Variants in MORC3 observed in about 807,000 individuals in gnomAD.
MORC3 encodes MORC family CW-type zinc finger protein 3.
MORC3 carries 31 observed loss-of-function variants against 109.1 expected under a neutral mutation model. That is an observed-to-expected ratio of 0.28 (90% confidence interval 0.21 to 0.38). The LOEUF is 0.38. Ranked by LOEUF, MORC3 falls within the 10% of genes least tolerant of loss-of-function variation. MORC3 has a pLI of 1.00. For missense variants in MORC3, 867 were observed against 1,135.8 expected, an observed-to-expected ratio of 0.76 and a Z score of 3.40; for synonymous variants, 395 against 380.7, an observed-to-expected ratio of 1.04 and a Z score of -0.44.
At chr21:36,341,792 TA>T (rs1237631400) in intron 6 of MORC3, among the ~76,000 whole-genome samples, 1 of 152,220 alleles carries the variant, frequency 6.6e-6, no homozygotes, top group African/African-American at 2.4e-5. Flanking sequence ...AAACCCTTTT[TA>T]AATTATGAAG....
rs146992228 is a variant in MORC3 at position 36,321,336 on chromosome 21, A to G, written c.39+1033A>G. Among the ~76,000 whole-genome samples, 11 of 152,198 alleles carry G rather than the reference A, an allele frequency of 7.2e-5. No homozygotes were observed. In the East Asian group the frequency reaches 1.9e-3, roughly 27 times the overall value. Reference sequence around the variant, plus strand: ...TTGTGTTGTTGAGCTCTTCGCATGTATTAGTCTTTGTGGTTTTTTGTTTTG... The same window carrying G: ...TTGTGTTGTTGAGCTCTTCGCATGTGTTAGTCTTTGTGGTTTTTTGTTTTG... On this transcript the variant is annotated intron_variant, in intron 1 of 16. Transcript: ENST00000400485.
intron 9 of MORC3, 147 bp from the exon 10 acceptor site, chr21:36,356,473 C>G (rs1417003041): frequency 2.6e-6 from 1 of 378,804 alleles, no homozygotes; most frequent in Non-Finnish European, 4.8e-6. Context: ...CTGTGTTGTT[C>G]AAGGGTCACC....
chr21:36,337,078 A>G (rs1366851281), intron 3 of MORC3, 72 bp downstream of exon 3: 23 of 1,533,560 alleles, frequency 1.5e-5, no homozygotes, highest in Admixed American at 2.0e-5. Context: ...CATACTTACT[A>G]TTCTTGGTTT....
chr21:36,342,236 G>A (rs180930987), intron 6 of MORC3, among the ~76,000 whole-genome samples: 2 of 151,698 alleles, frequency 1.3e-5, no homozygotes, highest in African/African-American at 2.4e-5. Flanking sequence ...AGAGTGAGAC[G>A]CCATCACACA....
chr21:36,333,612 G>T (rs1179649727), intron 1 of MORC3, 34 bp from the exon 2 acceptor site: 1 of 1,551,950 alleles, frequency 6.4e-7, no homozygotes, highest in Non-Finnish European at 8.9e-7. Context: ...AGTAAGACCT[G>T]AATTAATTTA....
rs763266928 is a variant in MORC3 at position 36,362,161 on chromosome 21, G to A, written c.1407-22G>A. 2.5e-6 allele frequency: 4 copies of A among 1,606,962 alleles called. No individual in the cohort carries two copies. In the African/African-American group the frequency reaches 5.4e-5, roughly 22 times the overall value. ...AAATGGGATTGAGAAATAACAACAT[G>A]TTTTTCATCTTTATTTTAAAGCAAC... On this transcript the variant is annotated intron_variant, in intron 12 of 16. Coordinates refer to ENST00000400485, the MANE Select transcript of MORC3 (RefSeq NM_015358.3).
intron 5 of MORC3, among the ~76,000 whole-genome samples, chr21:36,340,710 C>A (rs1410024650): frequency 2.1e-5 from 3 of 144,354 alleles, no homozygotes; most frequent in Non-Finnish European, 4.5e-5. Flanking sequence ...CATCTCGGCT[C>A]ACTGCAACCT....
chr21:36,369,106 T>C lies in MORC3; in HGVS notation c.1738T>C (p.Leu580=), dbSNP rs368739392. 5 of 1,613,988 alleles carry C rather than the reference T, an allele frequency of 3.1e-6. No homozygotes were observed. Among genetic ancestry groups the C allele is most frequent in the Non-Finnish European group, 4.2e-6 (5 of 1,180,014 alleles). The part of the protein sequence containing the change: ...GDDDDEDVII[L]EENSTPKPAV... The stretch of plus-strand genomic sequence containing the variant: ...TGATGATGATGAAGATGTCATCATC[T>C]TAGAAGAAAACAGTACCCCCAAACC... The change falls in exon 15 of 17, where the codon TTA becomes CTA. Residue 580 remains leucine (L), a synonymous_variant. Coordinates refer to ENST00000400485, the MANE Select transcript of MORC3 (RefSeq NM_015358.3).
rs755992359 is a variant in MORC3 at position 36,338,774 on chromosome 21, G to A, written c.461G>A (p.Arg154Gln). The A allele has an allele frequency of 3.7e-6, 6 of 1,611,838 alleles. No individual in the cohort carries two copies. The South Asian group carries it at 4.4e-5, about 12-fold the overall frequency. Reference protein sequence around the residue: ...VVPIVAFNKHRQMINLAESKA... With the variant: ...VVPIVAFNKHQQMINLAESKA... ...TCTGAGTCTTTAACTTATGATATAC[G>A]ACAGATGATTAATTTAGCAGAATCA... The change falls in exon 5 of 17, where the codon CGA becomes CAA. Residue 154 changes from arginine to glutamine, a missense_variant and splice_region_variant. By Grantham distance (43) the Arg-to-Gln change is conservative. Around this residue, in one of 7 missense-constraint regions of MORC3, gnomAD observed 134 missense variants for 166.6 expected, o/e 0.80. Transcript: ENST00000400485.
At chr21:36,350,809 A>C (rs2085562254) in intron 9 of MORC3, among the ~76,000 whole-genome samples, 1 of 152,166 alleles carries the variant, frequency 6.6e-6, no homozygotes, top group South Asian at 2.1e-4. Context: ...TCAGACATTT[A>C]AGGAAGAAGT....
intron 2 of MORC3, among the ~76,000 whole-genome samples, chr21:36,334,759 A>G (rs916690771): frequency 6.6e-6 from 1 of 152,226 alleles, no homozygotes; most frequent in Non-Finnish European, 1.5e-5. Flanking sequence ...TTTTAACAGC[A>G]TTTCAATGAA....
chr21:36,349,399 A>C lies in MORC3; in HGVS notation c.1094A>C (p.Asn365Thr). The C allele has an allele frequency of 1.9e-6, 3 of 1,598,096 alleles. No individual in the cohort carries two copies. Among genetic ancestry groups the C allele is most frequent in the Non-Finnish European group, 2.6e-6 (3 of 1,169,536 alleles). The change falls in exon 9 of 17, where the codon AAT (asparagine) becomes ACT (threonine). Residue 365 changes from asparagine to threonine, a missense_variant. Around this residue, in one of 7 missense-constraint regions of MORC3, gnomAD observed 120 missense variants for 259.7 expected, o/e 0.46. Transcript: ENST00000400485. ...AATAAACAAGATTTCGACTATACTAATGAGTACAGGTATGTTACCTATTTA... is the reference window on the plus strand; with the variant it reads ...AATAAACAAGATTTCGACTATACTACTGAGTACAGGTATGTTACCTATTTA... ...THNKQDFDYTNEYRLTITALG... is the reference protein window; with the variant it reads ...THNKQDFDYTTEYRLTITALG...
intron 12 of MORC3, among the ~76,000 whole-genome samples, chr21:36,361,356 C>A (rs1371465230): frequency 2.0e-5 from 3 of 150,202 alleles, no homozygotes; most frequent in Non-Finnish European, 4.4e-5. Context: ...CCAGCCTGGC[C>A]AACATAGTGA....
rs1375758410 is a variant in MORC3, at chr21:36,341,520, G to T, written c.730G>T (p.Ala244Ser). Residue 244 changes from alanine to serine, a missense_variant, in exon 6 of 17, where the codon GCC becomes TCC. This residue lies in a region of MORC3 where 134 missense variants were observed against 166.6 expected (regional missense o/e 0.80). Coordinates refer to ENST00000400485, the MANE Select transcript of MORC3 (RefSeq NM_015358.3). ...GAAGCAGGAAAGGATGGACCAGATT[G>T]CCCCTGAGAGTGACTATTCCCTGAG... is the stretch of plus-strand genomic sequence containing the variant. ...YKKQERMDQI[A>S]PESDYSLRAY... 5.0e-6 allele frequency: 8 copies of T among 1,613,740 alleles called. No homozygotes were observed. Among genetic ancestry groups the T allele is most frequent in the Non-Finnish European group, 6.8e-6 (8 of 1,179,962 alleles).
intron 16 of MORC3, 76 bp from the exon 17 acceptor site, chr21:36,375,067 A>G (rs2085914780): frequency 1.4e-6 from 2 of 1,396,530 alleles, no homozygotes; most frequent in African/African-American, 1.4e-5. Context: ...TTTGATTTTG[A>G]TATTTTACTT....
At chr21:36,340,309 TA>T (rs1243820306) in intron 5 of MORC3, among the ~76,000 whole-genome samples, 1 of 150,884 alleles carries the variant, frequency 6.6e-6, no homozygotes, top group African/African-American at 2.4e-5. Flanking sequence ...AGTACAGTAG[TA>T]CTATTGATAT....
At chr21:36,333,530 C>A in intron 1 of MORC3, 116 bp from the exon 2 acceptor site, 1 of 760,822 alleles carries the variant, frequency 1.3e-6, no homozygotes, top group Non-Finnish European at 2.3e-6. Context: ...CTGGAGCAAG[C>A]AGCTAAGTCA....
At chr21:36,336,291 A>G (rs969797033) in intron 2 of MORC3, among the ~76,000 whole-genome samples, 2 of 151,258 alleles carry the variant, frequency 1.3e-5, no homozygotes, top group Non-Finnish European at 2.9e-5. Context: ...TGCCCAGGCT[A>G]GAGTGCAGTG....
chr21:36,321,626 C>G (rs560756028), intron 1 of MORC3, among the ~76,000 whole-genome samples: 109 of 151,750 alleles, frequency 7.2e-4, no homozygotes, highest in Non-Finnish European at 1.4e-3. Context: ...TAACGCTTTC[C>G]CATTAGCTTA....
Sources: allele counts gnomAD v4.1 joint callset (sites outside exome capture counted in the v4.1 genomes callset), GRCh38; gene constraint gnomAD v4.1.1; regional missense constraint gnomAD v4.1.1; transcripts MANE v1.5; gene names NCBI Gene and HGNC (gene_info 2026-07-23, HGNC 2026-07-21).